KCNT2: variants seen among roughly 807,000 people sequenced by gnomAD.
KCNT2 encodes potassium channel subfamily T member 2.
KCNT2 carries 67 observed loss-of-function variants against 153.8 expected under a neutral mutation model. The ratio of observed to expected loss-of-function variants is 0.44; its 90% confidence interval spans 0.36 to 0.53. KCNT2 has a LOEUF of 0.53. Ranked by LOEUF, KCNT2 falls within the 20% of genes least tolerant of loss-of-function variation. The pLI is 0.00. For synonymous variants in KCNT2, 500 were observed against 458.8 expected, an observed-to-expected ratio of 1.09 and a Z score of -1.15; for missense variants, 975 against 1,354.8, an observed-to-expected ratio of 0.72 and a Z score of 4.40.
At chr1:196,285,601 A>G in intron 23 of KCNT2, 56 bp downstream of exon 23, 1 of 1,109,670 alleles carries the variant, frequency 9.0e-7, no homozygotes, top group Non-Finnish European at 1.3e-6. Flanking sequence ...TCATTTAAAT[A>G]AAATCTAAAA....
chr1:196,588,809 A>G (rs1662997769), intron 1 of KCNT2, among the ~76,000 whole-genome samples: 1 of 151,928 alleles, frequency 6.6e-6, no homozygotes, highest in South Asian at 2.1e-4. Flanking sequence ...ACGAAATCTT[A>G]TTTCTAGGGT....
chr1:196,523,595 G>A (rs1029560967), intron 1 of KCNT2, among the ~76,000 whole-genome samples: 6 of 152,114 alleles, frequency 3.9e-5, no homozygotes, highest in African/African-American at 1.4e-4. Flanking sequence ...TCCAGAAATT[G>A]TATTTATTCT....
Position 196,549,248 on chromosome 1 carries a change from G to GTTTT in KCNT2, c.96-56911_96-56908dup, listed in dbSNP as rs368397833. On this transcript the variant is annotated intron_variant, in intron 1 of 27. Coordinates refer to ENST00000294725, the MANE Select transcript of KCNT2 (RefSeq NM_198503.5). ...TTCAATTTTTCTCTATTGTGACCCT[G>GTTTT]TTTTGTTTGTTTGTTTGTTTACACA... Among the ~76,000 whole-genome samples the GTTTT allele has an allele frequency of 4.4e-3, 663 of 151,878 alleles. 3 individuals are homozygous for GTTTT. Among genetic ancestry groups the GTTTT allele is most frequent in the African/African-American group, 0.015 (604 of 41,456 alleles).
chr1:196,472,631 A>G (rs1678196125), intron 5 of KCNT2, among the ~76,000 whole-genome samples: 1 of 152,198 alleles, frequency 6.6e-6, no homozygotes, highest in South Asian at 2.1e-4. Context: ...TAGTATGTCT[A>G]AAGCAAAACT....
intron 9 of KCNT2, among the ~76,000 whole-genome samples, chr1:196,428,910 C>T (rs1399297479): frequency 6.6e-6 from 1 of 152,084 alleles, no homozygotes; most frequent in Non-Finnish European, 1.5e-5. Flanking sequence ...TTAGAGATTG[C>T]ATCTACTTAT....
At chr1:196,416,248 C>T (rs921250713) in intron 12 of KCNT2, among the ~76,000 whole-genome samples, 7 of 152,108 alleles carry the variant, frequency 4.6e-5, no homozygotes, top group Middle Eastern at 3.4e-3. Flanking sequence ...AGTAGCAATG[C>T]TGCCAATTTG....
Position 196,319,470 on chromosome 1 carries a change from A to AT in KCNT2, c.2348+13dup. The stretch of plus-strand genomic sequence containing the variant: ...CACTACACTAGTTAGTGTGCCAAAG[A>AT]TTTTGTCACCTACTTGTCAATAGAG... On this transcript the variant is annotated intron_variant, in intron 20 of 27. Transcript: ENST00000294725. 6.3e-7 allele frequency: 1 copy of AT among 1,599,866 alleles called. No homozygotes were observed. Among genetic ancestry groups the AT allele is most frequent in the Non-Finnish European group, 8.6e-7 (1 of 1,168,302 alleles).
At chr1:196,452,093 A>T (rs1035116373) in intron 8 of KCNT2, among the ~76,000 whole-genome samples, 1 of 151,928 alleles carries the variant, frequency 6.6e-6, no homozygotes, top group Non-Finnish European at 1.5e-5. Flanking sequence ...ATCCCTCTAT[A>T]ACTTCCCTTG....
At chr1:196,590,474 G>A (rs548991386) in intron 1 of KCNT2, among the ~76,000 whole-genome samples, 387 of 152,220 alleles carry the variant, frequency 2.5e-3, no homozygotes, top group Non-Finnish European at 4.2e-3. Flanking sequence ...CGGGTTTCAG[G>A]TGACAGCCCC....
At position 196,582,802 on chromosome 1, in the gene KCNT2, A is replaced by T. The variant is rs544811971; in HGVS notation, c.95+25413T>A. ...ACCTGCTTCAGCTTGTCCAAACTAA[A>T]TAAAGTAGAACAAATAGAGTACAAT... On this transcript the variant is annotated intron_variant, in intron 1 of 27. Coordinates refer to ENST00000294725, the MANE Select transcript of KCNT2 (RefSeq NM_198503.5). 4.1e-4 allele frequency among the ~76,000 whole-genome samples: 63 copies of T among 152,258 alleles called. 2 individuals carry two copies. In the South Asian group the frequency reaches 0.013, roughly 31 times the overall value.
At chr1:196,593,311 T>TATATATATATATAC (rs1256165838) in intron 1 of KCNT2, among the ~76,000 whole-genome samples, 5 of 140,204 alleles carry the variant, frequency 3.6e-5, no homozygotes, top group African/African-American at 1.4e-4. Flanking sequence ...TATATATATA[T>TATATATATATATAC]ACACACACAC....
intron 14 of KCNT2, among the ~76,000 whole-genome samples, chr1:196,362,711 T>C (rs1024683879): frequency 6.6e-6 from 1 of 152,132 alleles, no homozygotes; most frequent in African/African-American, 2.4e-5. Flanking sequence ...AAGTTTTAAT[T>C]CCTCAGTCTT....
intron 1 of KCNT2, among the ~76,000 whole-genome samples, chr1:196,552,139 A>G (rs1657994628): frequency 6.6e-6 from 1 of 151,544 alleles, no homozygotes; most frequent in Admixed American, 6.6e-5. Context: ...GAAACTAACT[A>G]AAATAAATAG....
intron 13 of KCNT2, among the ~76,000 whole-genome samples, chr1:196,390,381 T>C (rs1007389023): frequency 1.3e-5 from 2 of 151,564 alleles, no homozygotes; most frequent in African/African-American, 2.4e-5. Context: ...TGTGAAGATA[T>C]ATGAAAAAGT....
chr1:196,397,954 C>G (rs745504707), intron 13 of KCNT2, among the ~76,000 whole-genome samples: 1 of 150,178 alleles, frequency 6.7e-6, no homozygotes, highest in Non-Finnish European at 1.5e-5. Flanking sequence ...TTTACAGAAG[C>G]ATTTAAGAAA....
chr1:196,359,402 CT>C (rs1291869732), intron 14 of KCNT2, among the ~76,000 whole-genome samples: 10 of 151,688 alleles, frequency 6.6e-5, no homozygotes, highest in Non-Finnish European at 1.2e-4. Context: ...TTTCTTTTTC[CT>C]TGTATCAATG....
Position 196,482,365 on chromosome 1 carries a change from CA to C in KCNT2, c.289del (p.Trp97GlyfsTer2). 2.6e-6 allele frequency: 4 copies of C among 1,565,904 alleles called. No individual in the cohort carries two copies. Among genetic ancestry groups the C allele is most frequent in the Non-Finnish European group, 3.5e-6 (4 of 1,155,376 alleles). ...SQGNEWSHIF[W>X]VNRSLPLWGL... ...CCACAAAGGTAGACTTCTGTTCACC[CA>C]AAAGATATGAGACCTATAAAAAGAA... On this transcript the variant is annotated frameshift_variant, in exon 4 of 28. Transcript: ENST00000294725. LOFTEE classifies it high-confidence loss of function.
chr1:196,341,924 A>G (rs985613055), intron 15 of KCNT2, among the ~76,000 whole-genome samples, 155 bp downstream of exon 15: 1 of 152,178 alleles, frequency 6.6e-6, no homozygotes, highest in Non-Finnish European at 1.5e-5. Flanking sequence ...TACAGACACC[A>G]GGGTTCAAAT....
intron 26 of KCNT2, among the ~76,000 whole-genome samples, chr1:196,247,285 C>T (rs1005207522): frequency 3.9e-5 from 6 of 152,010 alleles, no homozygotes; most frequent in Non-Finnish European, 8.8e-5. Flanking sequence ...ATATACAAAG[C>T]AAATATTATA....
Sources: allele counts gnomAD v4.1 joint callset (sites outside exome capture counted in the v4.1 genomes callset), GRCh38; gene constraint gnomAD v4.1.1; transcripts MANE v1.5; gene names NCBI Gene and HGNC (gene_info 2026-07-23, HGNC 2026-07-21).